Variants in GSG1L observed in about 807,000 individuals in gnomAD.
GSG1L encodes germ cell-specific gene 1-like protein.
GSG1L carries 24 observed loss-of-function variants against 42.1 expected under a neutral mutation model. That is an observed-to-expected ratio of 0.57 (90% confidence interval 0.41 to 0.80). The LOEUF (loss-of-function observed/expected upper bound fraction) is 0.80. Ranked by LOEUF, GSG1L falls within the 30% of genes least tolerant of loss-of-function variation. The pLI is 0.00. For synonymous variants in GSG1L, 215 were observed against 203.5 expected (o/e 1.06, Z -0.48); for missense variants, 445 against 472.2 (o/e 0.94, Z 0.53).
chr16:27,836,965 A>C (rs2083327426), intron 4 of GSG1L, among the ~76,000 whole-genome samples: 1 of 152,076 alleles, frequency 6.6e-6, no homozygotes, highest in Non-Finnish European at 1.5e-5. Context: ...GCTTCCTTTC[A>C]CATCATTCTG....
At chr16:27,829,442 G>C (rs2140967023) in intron 4 of GSG1L, among the ~76,000 whole-genome samples, 1 of 152,312 alleles carries the variant, frequency 6.6e-6, no homozygotes, top group African/African-American at 2.4e-5. Flanking sequence ...GATGGGGAAG[G>C]AGATGGGGGC....
At position 28,063,391 on chromosome 16, in the gene GSG1L, C is replaced by A; in HGVS notation, c.34G>T (p.Ala12Ser). 7.4e-7 allele frequency: 1 copy of A among 1,353,752 alleles called. No homozygotes were observed. The highest frequency in any genetic ancestry group is 2.8e-5 in the Admixed American group (1 of 36,148). 83.9% of individuals were successfully genotyped at this position (1,353,752 alleles called of 1,614,324 possible). A position where few individuals can be genotyped will look rare whatever the true frequency, so the allele number is the denominator to read the frequency against. ...KTSRRGRALL[A>S]VALNLLALLF... is the part of the protein sequence containing the mutation. ...AGCGCCAGCAGGTTCAGGGCCACGG[C>A]CAGGAGCGCTCGGCCGCGGCGGCTA... Residue 12 changes from alanine (A) to serine (S), a missense_variant, in exon 1 of 7, where the codon GCC (alanine) becomes TCC (serine). Transcript: ENST00000447459. The surrounding 1 kb of genome is among the most constrained non-coding windows in gnomAD (Gnocchi z 5.8).
At chr16:27,926,913 A>G (rs72784114) in intron 2 of GSG1L, among the ~76,000 whole-genome samples, 27,977 of 151,932 alleles carry the variant, frequency 0.18, 3,060 homozygotes, top group East Asian at 0.31. Context: ...TATTAGTACT[A>G]CCCCCAATTT....
intron 2 of GSG1L, among the ~76,000 whole-genome samples, chr16:27,954,092 G>T (rs2084980140): frequency 6.6e-6 from 1 of 152,108 alleles, no homozygotes; most frequent in African/African-American, 2.4e-5. Flanking sequence ...AGGAGGAAGT[G>T]TCCAGGAGGC....
intron 2 of GSG1L, among the ~76,000 whole-genome samples, chr16:27,888,328 T>G (rs988939915): frequency 1.3e-5 from 2 of 152,226 alleles, no homozygotes; most frequent in Non-Finnish European, 2.9e-5. Flanking sequence ...GGAAGTAACT[T>G]AACCATGGGG....
At position 27,791,160 on chromosome 16, in the gene GSG1L, C is replaced by G. The variant is rs765355793; in HGVS notation, c.*210G>C. 2.8e-5 allele frequency: 11 copies of G among 393,612 alleles called. No homozygotes were observed. Among genetic ancestry groups the G allele is most frequent in the Non-Finnish European group, 4.0e-5 (9 of 222,892 alleles). 24.4% of individuals were successfully genotyped at this position (393,612 alleles called of 1,614,324 possible). ...CTGTCCCAAAGTCACTCTGTGCAGC[C>G]CTGTGCATTCCCTTGGGCCTGCCCT... is the stretch of plus-strand genomic sequence containing the variant. On this transcript the variant is annotated 3_prime_UTR_variant, in exon 7 of 7. Coordinates refer to ENST00000447459, the MANE Select transcript of GSG1L (RefSeq NM_001109763.2).
chr16:28,040,882 C>T lies in GSG1L; in HGVS notation c.349+22194G>A, dbSNP rs769646079. Among the ~76,000 whole-genome samples, 2 of 152,210 alleles carry T rather than the reference C, an allele frequency of 1.3e-5. No individual in the cohort carries two copies. The highest frequency in any genetic ancestry group is 6.5e-5 in the Admixed American group (1 of 15,294). On this transcript the variant is annotated intron_variant, in intron 1 of 6. Coordinates refer to ENST00000447459, the MANE Select transcript of GSG1L (RefSeq NM_001109763.2). The surrounding 1 kb of genome is among the most constrained non-coding windows in gnomAD (Gnocchi z 4.1). ...CATCCCAGACCATCTCTCTGCGTTCCGAGGGCCTTATTCAGACCCCACAGC... is the reference window on the plus strand; with the variant it reads ...CATCCCAGACCATCTCTCTGCGTTCTGAGGGCCTTATTCAGACCCCACAGC...
At position 27,865,639 on chromosome 16, in the gene GSG1L, ATGTG is replaced by A. The variant is rs1192603680; in HGVS notation, c.550+18843_550+18846del. 8.3e-5 allele frequency among the ~76,000 whole-genome samples: 12 copies of A among 145,408 alleles called. 1 individual carries two copies. The highest frequency in any genetic ancestry group is 7.0e-4 in the Admixed American group (10 of 14,340). On this transcript the variant is annotated intron_variant, in intron 3 of 6. Transcript: ENST00000447459. ...CACACACATATATATGTGTGTATAT[ATGTG>A]TGTGTATGTATATATATATATATCT... is the stretch of plus-strand genomic sequence containing the variant.
chr16:27,850,602 A>G, intron 3 of GSG1L: 1 of 455,774 alleles, frequency 2.2e-6, no homozygotes, highest in Non-Finnish European at 4.4e-6. Flanking sequence ...AGGCTGAGGG[A>G]AAACCAGCGT....
At chr16:28,051,277 T>C (rs941521922) in intron 1 of GSG1L, among the ~76,000 whole-genome samples, 3 of 152,164 alleles carry the variant, frequency 2.0e-5, no homozygotes, top group Non-Finnish European at 2.9e-5. Context: ...CCTTAAGGGA[T>C]AGACAAAGAT....
intron 2 of GSG1L, among the ~76,000 whole-genome samples, chr16:27,919,433 C>T (rs1308758788): frequency 6.6e-6 from 1 of 152,224 alleles, no homozygotes; most frequent in Admixed American, 6.5e-5. Flanking sequence ...TCAAAACATG[C>T]CAAGCTCGGT....
chr16:27,955,417 T>TA (rs1399138525), intron 2 of GSG1L, among the ~76,000 whole-genome samples: 1 of 151,426 alleles, frequency 6.6e-6, no homozygotes, highest in African/African-American at 2.4e-5. Context: ...AATGGAAGAT[T>TA]AAAAAAAAGT....
chr16:27,982,082 C>A (rs1198233816), intron 1 of GSG1L, among the ~76,000 whole-genome samples: 1 of 152,138 alleles, frequency 6.6e-6, no homozygotes, highest in African/African-American at 2.4e-5. Flanking sequence ...GAAGTAGCTG[C>A]CCTGGCCAGG....
intron 1 of GSG1L, among the ~76,000 whole-genome samples, chr16:28,027,483 G>A (rs2085912349): frequency 6.6e-6 from 1 of 152,186 alleles, no homozygotes; most frequent in Non-Finnish European, 1.5e-5. Flanking sequence ...ATCTGGTAGT[G>A]AAGATAGAAA....
intron 6 of GSG1L, among the ~76,000 whole-genome samples, chr16:27,795,178 C>CTT (rs3047667): frequency 0.22 from 33,460 of 149,778 alleles, 3,862 homozygotes; most frequent in African/African-American, 0.3. Flanking sequence ...CAAACTGACT[C>CTT]TTTTTTTTTT....
rs186699896 is a variant in GSG1L, at chr16:27,989,856, G to A, written c.350-26653C>T. On this transcript the variant is annotated intron_variant, in intron 1 of 6. Coordinates refer to ENST00000447459, the MANE Select transcript of GSG1L (RefSeq NM_001109763.2). ...TATTAATATGTGTCCCAAAATTGGA[G>A]GAAATTCCTAAATGTCTGATATGTC... is the stretch of plus-strand genomic sequence containing the variant. Among the ~76,000 whole-genome samples, 48 of 152,178 alleles carry A rather than the reference G, an allele frequency of 3.2e-4. 1 individual carries two copies. The highest frequency in any genetic ancestry group is 3.8e-4 in the Non-Finnish European group (26 of 68,018).
chr16:27,981,751 T>C (rs1344589293), intron 1 of GSG1L, among the ~76,000 whole-genome samples: 4 of 152,356 alleles, frequency 2.6e-5, no homozygotes, highest in Admixed American at 2.0e-4. Context: ...CAGACATACG[T>C]TGCTTGGGCA....
At chr16:27,986,984 A>C (rs2085392267) in intron 1 of GSG1L, among the ~76,000 whole-genome samples, 1 of 152,264 alleles carries the variant, frequency 6.6e-6, no homozygotes, top group Admixed American at 6.5e-5. Context: ...TGGGAGGCCA[A>C]GGCGGGCAGA....
At chr16:27,953,874 A>G (rs2084977387) in intron 2 of GSG1L, among the ~76,000 whole-genome samples, 1 of 152,202 alleles carries the variant, frequency 6.6e-6, no homozygotes, top group African/African-American at 2.4e-5. Context: ...GCAAGACTCC[A>G]TCTCAAAAAA....
Sources: allele counts gnomAD v4.1 joint callset (sites outside exome capture counted in the v4.1 genomes callset), GRCh38; gene constraint gnomAD v4.1.1; non-coding constraint Gnocchi (gnomAD v3.1); transcripts MANE v1.5; gene names NCBI Gene and HGNC (gene_info 2026-07-23, HGNC 2026-07-21).